The following KCNS1 variants were observed in gnomAD, a reference collection of about 807,000 sequenced individuals.
The protein encoded by KCNS1 is potassium voltage-gated channel modifier subfamily S member 1, also known as delayed-rectifier potassium channel regulatory subunit KCNS1.
A neutral mutation model predicts 33.1 loss-of-function variants in KCNS1; 26 were observed. The ratio of observed to expected loss-of-function variants is 0.79; its 90% CI spans 0.58 to 1.09. The LOEUF is 1.09. Ranked by LOEUF, KCNS1 falls within the 50% of genes least tolerant of loss-of-function variation. The probability of loss-of-function intolerance (pLI) is 0.00; values close to 1 mark genes in which losing one functional copy is unlikely to be tolerated. For synonymous variants in KCNS1, 299 were observed against 338.8 expected (o/e 0.88, Z 1.29); for missense variants, 702 against 752.4 (o/e 0.93, Z 0.78).
At chr20:45,099,352 G>A in intron 1 of KCNS1, 113 bp from the exon 2 acceptor site, 2 of 675,522 alleles carry the variant, frequency 3.0e-6, no homozygotes, top group Non-Finnish European at 2.7e-6. Flanking sequence ...AAGTGATTCG[G>A]CTACATAGTC....
rs1191370096 is a variant in KCNS1 at position 45,098,192 on chromosome 20, A to G, written c.580T>C (p.Tyr194His). Residue 194 changes from tyrosine (Y) to histidine (H), a missense_variant, in exon 3 of 4, where the codon TAT (tyrosine) becomes CAT (histidine). This residue lies in a region of KCNS1 where 374 missense variants were observed against 352.3 expected (regional missense o/e 1.06). Coordinates refer to ENST00000537075, the MANE Select transcript of KCNS1 (RefSeq NM_001322799.2). The surrounding 1 kb of genome is among the most constrained non-coding windows in gnomAD (Gnocchi z 5.2). ...ISDVQRELAR[Y>H]GAARCGRLRR... ...AGGCGGCCACAGCGCGCCGCGCCATAGCGCGCCAGTTCTCGCTGCACGTCG... is the reference window on the plus strand; with the variant it reads ...AGGCGGCCACAGCGCGCCGCGCCATGGCGCGCCAGTTCTCGCTGCACGTCG... 6.2e-7 allele frequency: 1 copy of G among 1,604,758 alleles called. No homozygotes were observed. The highest frequency in any genetic ancestry group is 8.5e-7 in the Non-Finnish European group (1 of 1,176,540).
In KCNS1 at chr20:45,093,686, A is replaced by C. The variant is rs1202326398; in HGVS notation, c.*1184T>G. 6.6e-6 allele frequency: 1 copy of C among 152,396 alleles called. No homozygotes were observed. The highest frequency in any genetic ancestry group is 1.5e-5 in the Non-Finnish European group (1 of 68,206). 9.4% of individuals were successfully genotyped at this position (152,396 alleles called of 1,614,324 possible). ...TGGGTATGAGAGATATGCCCCCAGC[A>C]AGGGTGAGGGGGCTGGAGCTGGCCA... On this transcript the variant is annotated 3_prime_UTR_variant, in exon 4 of 4. Coordinates refer to ENST00000537075, the MANE Select transcript of KCNS1 (RefSeq NM_001322799.2).
Position 45,097,738 on chromosome 20 carries a change from C to T in KCNS1, c.1034G>A (p.Arg345His), listed in dbSNP as rs1600600638. 2 of 1,612,700 alleles carry T rather than the reference C, an allele frequency of 1.2e-6. No individual in the cohort carries two copies. The highest frequency in any genetic ancestry group is 2.2e-5 in the South Asian group (2 of 91,048). The change falls in exon 3 of 4, where the codon CGC (arginine) becomes CAC (histidine). Residue 345 changes from arginine to histidine, a missense_variant. Arg to His is a conservative substitution (Grantham distance 29). Coordinates refer to ENST00000537075, the MANE Select transcript of KCNS1 (RefSeq NM_001322799.2). ...GHLGKVVQVF[R>H]LMRIFRVLKL... ...GAGTACGCGGAAGATGCGCATGAGGCGGAACACCTGCACCACCTTGCCCAG... is the reference window on the plus strand; with the variant it reads ...GAGTACGCGGAAGATGCGCATGAGGTGGAACACCTGCACCACCTTGCCCAG...
chr20:45,097,401 A>T (rs1356512438), intron 3 of KCNS1, among the ~76,000 whole-genome samples: 2 of 152,204 alleles, frequency 1.3e-5, no homozygotes, highest in Non-Finnish European at 2.9e-5. Flanking sequence ...CTTCGTTTTG[A>T]AAAAGAAAGA....
Position 45,098,624 on chromosome 20 carries a change from C to A in KCNS1, c.148G>T (p.Glu50Ter). Residue 50 changes from glutamate (E) to a stop codon, truncating the protein, a stop_gained, in exon 3 of 4, where the codon GAG (glutamate) becomes TAG (stop). Coordinates refer to ENST00000537075, the MANE Select transcript of KCNS1 (RefSeq NM_001322799.2). LOFTEE classifies it high-confidence loss of function. The surrounding 1 kb of genome is among the most constrained non-coding windows in gnomAD (Gnocchi z 5.2). The stretch of plus-strand genomic sequence containing the variant: ...CCACCCACGTTCACGCGCAGCGCCT[C>A]GTCGCTTCGCCGCCAGCGGATCCCG... ...DTGIRWRRSD[E>*]ALRVNVGGVR... 1.4e-6 allele frequency: 2 copies of A among 1,473,208 alleles called. No homozygotes were observed. The highest frequency in any genetic ancestry group is 1.8e-6 in the Non-Finnish European group (2 of 1,113,350). The allele number at this position is 1,473,208 out of a possible 1,614,324, so 91.3% of individuals were successfully genotyped here. A position where few individuals can be genotyped will look rare whatever the true frequency, so the allele number is the denominator to read the frequency against.
chr20:45,098,090 T>C lies in KCNS1; in HGVS notation c.682A>G (p.Ser228Gly). ...GCGGCGATGGAGGCGAGCACCACGC[T>C]GATGGAGACGCAGCTGAAGAGCTTG... ...PSKLFSCVSISVVLASIAAMC... is the reference protein window; with the variant it reads ...PSKLFSCVSIGVVLASIAAMC... The change falls in exon 3 of 4, where the codon AGC becomes GGC. Residue 228 changes from serine (S) to glycine (G), a missense_variant. Physicochemically the swap from Ser to Gly is moderately conservative, Grantham distance 56. Transcript: ENST00000537075. The surrounding 1 kb of genome is among the most constrained non-coding windows in gnomAD (Gnocchi z 5.2). 2 of 1,574,388 alleles carry C rather than the reference T, an allele frequency of 1.3e-6. No homozygotes were observed. Among genetic ancestry groups the C allele is most frequent in the South Asian group, 1.2e-5 (1 of 85,898 alleles).
Position 45,094,168 on chromosome 20 carries a change from C to T in KCNS1, c.*702G>A, listed in dbSNP as rs1449566170. On this transcript the variant is annotated 3_prime_UTR_variant, in exon 4 of 4. Transcript: ENST00000537075. ...AGGCAAGTACAATGCTATGGTACTT[C>T]CTCCCAGGACTCATCCTCCTTCCCT... The T allele has an allele frequency of 1.3e-5, 2 of 152,202 alleles. No individual in the cohort carries two copies. Among genetic ancestry groups the T allele is most frequent in the Non-Finnish European group, 2.9e-5 (2 of 68,046 alleles). The allele number at this position is 152,202 out of a possible 1,614,324, so 9.4% of individuals were successfully genotyped here.
rs1444979686 is a variant in KCNS1 at position 45,091,961 on chromosome 20, A to G, written c.*2909T>C. On this transcript the variant is annotated 3_prime_UTR_variant, in exon 4 of 4. Coordinates refer to ENST00000537075, the MANE Select transcript of KCNS1 (RefSeq NM_001322799.2). Reference sequence around the variant, plus strand: ...GAATACACTTCTACTGTTTTAAGCCATCAAGTTTGTTTGAATTTGTTACAG... The same window carrying G: ...GAATACACTTCTACTGTTTTAAGCCGTCAAGTTTGTTTGAATTTGTTACAG... Among the ~76,000 whole-genome samples the G allele has an allele frequency of 6.6e-6, 1 of 152,228 alleles. No individual in the cohort carries two copies. The highest frequency in any genetic ancestry group is 1.5e-5 in the Non-Finnish European group (1 of 68,042).
In KCNS1 at chr20:45,097,937, A is replaced by AG. The variant is rs747517799; in HGVS notation, c.834dup (p.Cys279LeufsTer97). 1 of 1,587,384 alleles carries AG rather than the reference A, an allele frequency of 6.3e-7. No homozygotes were observed. The highest frequency in any genetic ancestry group is 1.3e-5 in the African/African-American group (1 of 74,408). ...ACCTCGAAGCTGAACCAGGCGATGCAGAAGTACTCGAGGCGTCGCAGCACC... is the reference window on the plus strand; with the variant it reads ...ACCTCGAAGCTGAACCAGGCGATGCAGGAAGTACTCGAGGCGTCGCAGCACC... On this transcript the variant is annotated frameshift_variant, in exon 3 of 4. Coordinates refer to ENST00000537075, the MANE Select transcript of KCNS1 (RefSeq NM_001322799.2). LOFTEE classifies it high-confidence loss of function.
In KCNS1 at chr20:45,098,532, C is replaced by G; in HGVS notation, c.240G>C (p.Gln80His). Residue 80 changes from glutamine (Q) to histidine (H), a missense_variant, in exon 3 of 4, where the codon CAG becomes CAC. Physicochemically the swap from Gln to His is conservative, Grantham distance 24 (BLOSUM62 0). Coordinates refer to ENST00000537075, the MANE Select transcript of KCNS1 (RefSeq NM_001322799.2). The surrounding 1 kb of genome is among the most constrained non-coding windows in gnomAD (Gnocchi z 5.2). ...GCGCCTGCTCCTCCGACGCCGCGGCCTGCAGGCGGCCCAGCCGCGTGCCCG... is the reference window on the plus strand; with the variant it reads ...GCGCCTGCTCCTCCGACGCCGCGGCGTGCAGGCGGCCCAGCCGCGTGCCCG... Reference protein sequence around the residue: ...RFPGTRLGRLQAAASEEQARR... With the variant: ...RFPGTRLGRLHAAASEEQARR... The G allele has an allele frequency of 1.3e-6, 2 of 1,501,360 alleles. No homozygotes were observed. The highest frequency in any genetic ancestry group is 8.9e-7 in the Non-Finnish European group (1 of 1,123,592). The allele number at this position is 1,501,360 out of a possible 1,614,324, so 93.0% of individuals were successfully genotyped here. A position where few individuals can be genotyped will look rare whatever the true frequency, so the allele number is the denominator to read the frequency against.
At chr20:45,096,101 A>C (rs1981176166) in intron 3 of KCNS1, among the ~76,000 whole-genome samples, 1 of 152,216 alleles carries the variant, frequency 6.6e-6, no homozygotes, top group African/African-American at 2.4e-5. Context: ...AGTCTAAAGC[A>C]GAGTCTCTCC....
In KCNS1 at chr20:45,099,158, T is replaced by C; in HGVS notation, c.76+3A>G. On this transcript the variant is annotated splice_donor_region_variant and intron_variant, in intron 2 of 3. Transcript: ENST00000537075. Reference sequence around the variant, plus strand: ...TCTGCAAAATGAGGATAGTAACACTTACCTCCTAGGGGTGTTGGCAGCACC... The same window carrying C: ...TCTGCAAAATGAGGATAGTAACACTCACCTCCTAGGGGTGTTGGCAGCACC... 1 of 1,551,104 alleles carries C rather than the reference T, an allele frequency of 6.4e-7. No individual in the cohort carries two copies. Among genetic ancestry groups the C allele is most frequent in the Non-Finnish European group, 8.7e-7 (1 of 1,146,642 alleles).
rs775135836 is a variant in KCNS1, at chr20:45,095,145, G to C, written c.1306C>G (p.Leu436Val). The change falls in exon 4 of 4, where the codon CTG becomes GTG. Residue 436 changes from leucine (L) to valine (V), a missense_variant. Coordinates refer to ENST00000537075, the MANE Select transcript of KCNS1 (RefSeq NM_001322799.2). ...CCTAGGATGCAGCCTGAGGCTGCCAGCTTGCCAGCCACCGTCACTGGCACC... is the reference window on the plus strand; with the variant it reads ...CCTAGGATGCAGCCTGAGGCTGCCACCTTGCCAGCCACCGTCACTGGCACC... ...DVVPVTVAGKLAASGCILGGI... is the reference protein window; with the variant it reads ...DVVPVTVAGKVAASGCILGGI... 1.9e-6 allele frequency: 3 copies of C among 1,614,104 alleles called. No individual in the cohort carries two copies. The South Asian group carries it at 3.3e-5, about 18-fold the overall frequency.
In KCNS1 at chr20:45,098,642, G is replaced by C; in HGVS notation, c.130C>G (p.Arg44Gly). ...AGCGCCTCGTCGCTTCGCCGCCAGC[G>C]GATCCCGGTGTCGGGGCCCGGGAAC... ...SEFPGPDTGI[R>G]WRRSDEALRV... Residue 44 changes from arginine (R) to glycine (G), a missense_variant, in exon 3 of 4, where the codon CGC becomes GGC. Arg to Gly is a moderately radical substitution (Grantham distance 125, BLOSUM62 -2). Coordinates refer to ENST00000537075, the MANE Select transcript of KCNS1 (RefSeq NM_001322799.2). The surrounding 1 kb of genome is among the most constrained non-coding windows in gnomAD (Gnocchi z 5.2). 1 of 1,473,864 alleles carries C rather than the reference G, an allele frequency of 6.8e-7. No individual in the cohort carries two copies. The highest frequency in any genetic ancestry group is 9.0e-7 in the Non-Finnish European group (1 of 1,113,862). The allele number at this position is 1,473,864 out of a possible 1,614,324, so 91.3% of individuals were successfully genotyped here. A position where few individuals can be genotyped will look rare whatever the true frequency, so the allele number is the denominator to read the frequency against.
At chr20:45,099,487 A>C (rs1981327042) in intron 1 of KCNS1, among the ~76,000 whole-genome samples, 1 of 152,224 alleles carries the variant, frequency 6.6e-6, no homozygotes. Flanking sequence ...CCTCTGTGAA[A>C]TGGAAATAAA....
chr20:45,098,054 G>A lies in KCNS1; in HGVS notation c.718C>T (p.His240Tyr). Residue 240 changes from histidine to tyrosine, a missense_variant, in exon 3 of 4, where the codon CAC (histidine) becomes TAC (tyrosine). By Grantham distance (83) the His-to-Tyr change is moderately conservative. Transcript: ENST00000537075. This position sits in a 1 kb window ranked among gnomAD's most constrained non-coding sequence, Gnocchi z 5.2. Reference sequence around the variant, plus strand: ...CGGGCCTGGTACTCGGGCAGGCTGTGGATGCACATGGCGGCGATGGAGGCG... The same window carrying A: ...CGGGCCTGGTACTCGGGCAGGCTGTAGATGCACATGGCGGCGATGGAGGCG... Reference protein sequence around the residue: ...VLASIAAMCIHSLPEYQAREA... With the variant: ...VLASIAAMCIYSLPEYQAREA... 1 of 1,545,254 alleles carries A rather than the reference G, an allele frequency of 6.5e-7. No individual in the cohort carries two copies. Among genetic ancestry groups the A allele is most frequent in the Admixed American group, 2.0e-5 (1 of 50,476 alleles).
In KCNS1 at chr20:45,095,115, T is replaced by C; in HGVS notation, c.1336A>G (p.Ile446Val). 6.2e-7 allele frequency: 1 copy of C among 1,613,868 alleles called. No individual in the cohort carries two copies. Among genetic ancestry groups the C allele is most frequent in the Non-Finnish European group, 8.5e-7 (1 of 1,179,902 alleles). The change falls in exon 4 of 4, where the codon ATC becomes GTC. Residue 446 changes from isoleucine to valine, a missense_variant. By Grantham distance (29) the Ile-to-Val change is conservative (BLOSUM62 3). Transcript: ENST00000537075. ...LAASGCILGG[I>V]LVVALPITII... Reference sequence around the variant, plus strand: ...GTGATGGGGAGTGCTACCACCAGGATGCCCCCTAGGATGCAGCCTGAGGCT... The same window carrying C: ...GTGATGGGGAGTGCTACCACCAGGACGCCCCCTAGGATGCAGCCTGAGGCT...
Position 45,098,012 on chromosome 20 carries a change from C to T in KCNS1, c.760G>A (p.Val254Met), listed in dbSNP as rs1476468365. 3 of 1,506,324 alleles carry T rather than the reference C, an allele frequency of 2.0e-6. No individual in the cohort carries two copies. The African/African-American group carries it at 4.3e-5, about 22-fold the overall frequency. The allele number at this position is 1,506,324 out of a possible 1,614,324, so 93.3% of individuals were successfully genotyped here. ...CTGCGGCCCGCGGCCACCGCAGCCA[C>T]GGCGGCCGCCGCCTCGCGGGCCTGG... ...EYQAREAAAA[V>M]AAVAAGRSPE... The change falls in exon 3 of 4, where the codon GTG (valine) becomes ATG (methionine). Residue 254 changes from valine (V) to methionine (M), a missense_variant. This residue lies in a region of KCNS1 where 253 missense variants were observed against 327.4 expected (regional missense o/e 0.77). Transcript: ENST00000537075. This position sits in a 1 kb window ranked among gnomAD's most constrained non-coding sequence, Gnocchi z 5.2.
rs528478986 is a variant in KCNS1 at position 45,092,184 on chromosome 20, T to C, written c.*2686A>G. On this transcript the variant is annotated 3_prime_UTR_variant, in exon 4 of 4. Coordinates refer to ENST00000537075, the MANE Select transcript of KCNS1 (RefSeq NM_001322799.2). ...GTTCTGGCTGGCACAACCACAAAGTTTGTGCCAAATCCAGGACTGGAGCCT... is the reference window on the plus strand; with the variant it reads ...GTTCTGGCTGGCACAACCACAAAGTCTGTGCCAAATCCAGGACTGGAGCCT... 6.6e-6 allele frequency: 1 copy of C among 152,300 alleles called. No homozygotes were observed. The highest frequency in any genetic ancestry group is 6.5e-5 in the Admixed American group (1 of 15,296). 9.4% of individuals were successfully genotyped at this position (152,300 alleles called of 1,614,324 possible).
Sources: allele counts gnomAD v4.1 joint callset (sites outside exome capture counted in the v4.1 genomes callset), GRCh38; gene constraint gnomAD v4.1.1; regional missense constraint gnomAD v4.1.1; non-coding constraint Gnocchi (gnomAD v3.1); transcripts MANE v1.5; gene names NCBI Gene and HGNC (gene_info 2026-07-23, HGNC 2026-07-21).